The following KLHL8 variants were observed in gnomAD, a reference collection of about 807,000 sequenced individuals.
KLHL8 encodes the protein kelch like family member 8.
Under a neutral mutation model 63.5 loss-of-function variants are expected in KLHL8, and 38 were observed. The observed-to-expected ratio is 0.60, with a 90% CI of 0.46 to 0.78. KLHL8 has a LOEUF of 0.78. Among genes scored for constraint, KLHL8 ranks in the 30% least tolerant of loss-of-function variants. The pLI, the probability that KLHL8 is intolerant of heterozygous loss-of-function variation, is 0.00. For synonymous variants in KLHL8, 224 were observed against 254.3 expected, an observed-to-expected ratio of 0.88 and a Z score of 1.13; for missense variants, 566 against 752.4, an observed-to-expected ratio of 0.75 and a Z score of 2.90.
chr4:87,209,007 T>TA (rs1179687496), intron 1 of KLHL8, among the ~76,000 whole-genome samples: 1 of 152,106 alleles, frequency 6.6e-6, no homozygotes, highest in African/African-American at 2.4e-5. Context: ...TCCTCAACTT[T>TA]AAAAAATCTA....
intron 1 of KLHL8, among the ~76,000 whole-genome samples, chr4:87,214,375 G>C (rs1732508855): frequency 7.9e-6 from 1 of 127,354 alleles, no homozygotes. Context: ...TCATAGGATT[G>C]CTATAAAACT....
At chr4:87,213,733 G>A (rs1350691636) in intron 1 of KLHL8, among the ~76,000 whole-genome samples, 2 of 152,240 alleles carry the variant, frequency 1.3e-5, no homozygotes, top group Non-Finnish European at 2.9e-5. Context: ...CCTACAGGCA[G>A]TAGGTAATCA....
chr4:87,228,300 A>T (rs1407022245), intron 1 of KLHL8, among the ~76,000 whole-genome samples: 1 of 152,142 alleles, frequency 6.6e-6, no homozygotes, highest in Non-Finnish European at 1.5e-5. Context: ...GGGCCATGGG[A>T]ACCCCTGAAT....
intron 1 of KLHL8, among the ~76,000 whole-genome samples, chr4:87,236,697 CTCTG>C (rs1268333468): frequency 4.4e-5 from 6 of 135,138 alleles, no homozygotes; most frequent in Middle Eastern, 4.0e-3. Flanking sequence ...TGGAGTCTCA[CTCTG>C]TCACCCAGGC....
rs1730596400 is a variant in KLHL8, at chr4:87,170,535, A to G, written c.1289T>C (p.Val430Ala). Residue 430 changes from valine to alanine, a missense_variant, in exon 7 of 10, where the codon GTG becomes GCG. Physicochemically the swap from Val to Ala is moderately conservative, Grantham distance 64 (BLOSUM62 0). Transcript: ENST00000273963. ...ATCAGATTCTATGTCATATCTCTCC[A>G]CATCATTGAAGCAAGTATTGTCATC... Reference protein sequence around the residue: ...GLDDNTCFNDVERYDIESDQW... With the variant: ...GLDDNTCFNDAERYDIESDQW... 1 of 1,613,958 alleles carries G rather than the reference A, an allele frequency of 6.2e-7. No homozygotes were observed. Among genetic ancestry groups the G allele is most frequent in the Non-Finnish European group, 8.5e-7 (1 of 1,179,946 alleles).
At chr4:87,231,787 G>A (rs933882946) in intron 1 of KLHL8, among the ~76,000 whole-genome samples, 12 of 151,920 alleles carry the variant, frequency 7.9e-5, no homozygotes, top group African/African-American at 2.7e-4. Flanking sequence ...TGGTAGAGAC[G>A]AGGTTTCGCC....
chr4:87,237,697 T>C (rs1733256176), intron 1 of KLHL8, among the ~76,000 whole-genome samples: 1 of 152,096 alleles, frequency 6.6e-6, no homozygotes, highest in Non-Finnish European at 1.5e-5. Flanking sequence ...TATGGTGGCA[T>C]GCACCTGTGG....
At chr4:87,170,038 T>C (rs1730575552) in intron 8 of KLHL8, 41 bp downstream of exon 8, 1 of 1,497,572 alleles carries the variant, frequency 6.7e-7, no homozygotes, top group South Asian at 1.2e-5. Flanking sequence ...ACACTTGTCA[T>C]TGTATATACT....
chr4:87,171,733 C>G (rs1356820103), intron 6 of KLHL8, among the ~76,000 whole-genome samples: 1 of 152,176 alleles, frequency 6.6e-6, no homozygotes, highest in Non-Finnish European at 1.5e-5. Flanking sequence ...TAACATCATA[C>G]GTTTTAGTCC....
rs555293758 is a variant in KLHL8, at chr4:87,179,577, C to T, written c.953-957G>A. Among the ~76,000 whole-genome samples, 9 of 152,084 alleles carry T rather than the reference C, an allele frequency of 5.9e-5. No individual in the cohort carries two copies. In the South Asian group the frequency reaches 1.2e-3, roughly 21 times the overall value. On this transcript the variant is annotated intron_variant, in intron 4 of 9. Coordinates refer to ENST00000273963, the MANE Select transcript of KLHL8 (RefSeq NM_020803.5). ...ATCATTTGAGGCCAGGAGGTGGAAA[C>T]CAGCCTGGGCAACAGAACAAGACCC... is the stretch of plus-strand genomic sequence containing the variant.
chr4:87,167,528 T>A, intron 8 of KLHL8: 1 of 542,894 alleles, frequency 1.8e-6, no homozygotes, highest in East Asian at 4.9e-5. Flanking sequence ...CCTGGCTAAA[T>A]CAGAACTCGA....
chr4:87,239,972 T>C (rs967369922), intron 1 of KLHL8, among the ~76,000 whole-genome samples: 6 of 152,280 alleles, frequency 3.9e-5, no homozygotes, highest in African/African-American at 1.4e-4. Flanking sequence ...CCTCATCTGG[T>C]AGGCACTGAT....
upstream of KLHL8, among the ~76,000 whole-genome samples, chr4:87,224,452 AAGGTTAT>A (rs1462750389): frequency 1.3e-5 from 2 of 152,122 alleles, no homozygotes; most frequent in Non-Finnish European, 2.9e-5. Context: ...ATTAATGAAG[AAGGTTAT>A]TTTATCTTCA....
intron 4 of KLHL8, among the ~76,000 whole-genome samples, chr4:87,180,576 A>C (rs566797881): frequency 3.3e-5 from 5 of 152,342 alleles, no homozygotes; most frequent in Admixed American, 2.0e-4. Context: ...AGTTATTCCA[A>C]AATAAGTCCG....
intron 1 of KLHL8, among the ~76,000 whole-genome samples, chr4:87,201,972 G>C (rs1223231850): frequency 6.6e-6 from 1 of 152,032 alleles, no homozygotes; most frequent in African/African-American, 2.4e-5. Context: ...GCTGGGCGTA[G>C]TGGCAGGTGC....
intron 8 of KLHL8, among the ~76,000 whole-genome samples, chr4:87,167,924 T>C (rs919457794): frequency 3.9e-5 from 6 of 152,226 alleles, no homozygotes; most frequent in African/African-American, 1.4e-4. Context: ...TAGCCACACA[T>C]AGCAAAGACT....
intron 1 of KLHL8, among the ~76,000 whole-genome samples, chr4:87,227,561 G>T (rs6531963): frequency 2.6e-5 from 4 of 152,066 alleles, no homozygotes; most frequent in Non-Finnish European, 4.4e-5. Context: ...GAGGTGGGAG[G>T]ATCCCTTGAG....
At chr4:87,193,144 TAA>T (rs779847909) in intron 2 of KLHL8, among the ~76,000 whole-genome samples, 4 of 152,230 alleles carry the variant, frequency 2.6e-5, no homozygotes, top group Admixed American at 6.5e-5. Flanking sequence ...TTCAATTTTT[TAA>T]AACTTTTTGA....
intron 1 of KLHL8, among the ~76,000 whole-genome samples, chr4:87,225,768 C>T (rs929354364): frequency 6.6e-6 from 1 of 152,220 alleles, no homozygotes; most frequent in Non-Finnish European, 1.5e-5. Flanking sequence ...CTTGCTATGA[C>T]CACTGCTAGT....
Sources: allele counts gnomAD v4.1 joint callset (sites outside exome capture counted in the v4.1 genomes callset), GRCh38; gene constraint gnomAD v4.1.1; transcripts MANE v1.5; gene names NCBI Gene and HGNC (gene_info 2026-07-23, HGNC 2026-07-21).